The following AKTIP variants were observed in gnomAD, a reference collection of about 807,000 sequenced individuals.
AKTIP encodes AKT interacting protein, also known as AKT-interacting protein.
Under a neutral mutation model 39.1 loss-of-function variants are expected in AKTIP, and 16 were observed. That is an observed-to-expected ratio of 0.41 (90% CI 0.28 to 0.62). AKTIP has a LOEUF of 0.62. Among genes scored for constraint, AKTIP ranks in the 20% least tolerant of loss-of-function variants. The pLI is 0.32. For synonymous variants in AKTIP, 93 were observed against 124.3 expected, an observed-to-expected ratio of 0.75 and a Z score of 1.67; for missense variants, 262 against 356.6, an observed-to-expected ratio of 0.73 and a Z score of 2.14.
At chr16:53,492,785 T>C (rs1961570896) in intron 8 of AKTIP, 32 bp from the exon 9 acceptor site, 4 of 1,594,840 alleles carry the variant, frequency 2.5e-6, no homozygotes, top group Non-Finnish European at 3.4e-6. Flanking sequence ...TAAAAACTAT[T>C]TGTTGGCTCA....
rs567079007 is a variant in AKTIP, at chr16:53,494,693, G to C, written c.415-88C>G. On this transcript the variant is annotated intron_variant, in intron 5 of 9. Transcript: ENST00000394657. Reference sequence around the variant, plus strand: ...GGAATCGTGATAAAAAGAGCTTCAGGACAAGGCAGTCACGTTATTTAAAGC... The same window carrying C: ...GGAATCGTGATAAAAAGAGCTTCAGCACAAGGCAGTCACGTTATTTAAAGC... 5 of 1,270,902 alleles carry C rather than the reference G, an allele frequency of 3.9e-6. 1 individual carries two copies. In the East Asian group the frequency reaches 1.2e-4, roughly 32 times the overall value. 78.7% of individuals were successfully genotyped at this position (1,270,902 alleles called of 1,614,324 possible).
At chr16:53,497,593 C>T (rs1194797260) in intron 3 of AKTIP, among the ~76,000 whole-genome samples, 1 of 152,174 alleles carries the variant, frequency 6.6e-6, no homozygotes, top group African/African-American at 2.4e-5. Context: ...AGGAGGCTGC[C>T]TACAAGGCGA....
rs1253797308 is a variant in AKTIP, at chr16:53,491,386, T to C, written c.*1026A>G. 6.6e-6 allele frequency: 1 copy of C among 152,256 alleles called. No individual in the cohort carries two copies. Among genetic ancestry groups the C allele is most frequent in the Non-Finnish European group, 1.5e-5 (1 of 68,028 alleles). The allele number at this position is 152,256 out of a possible 1,614,324, so 9.4% of individuals were successfully genotyped here. On this transcript the variant is annotated 3_prime_UTR_variant, in exon 10 of 10. Transcript: ENST00000394657. ...AAAATGTTATTTAACAGCTGAATTA[T>C]CTATACATATCTTTATTAATCACTA...
chr16:53,497,989 C>A (rs1961942285), intron 3 of AKTIP, among the ~76,000 whole-genome samples: 1 of 152,258 alleles, frequency 6.6e-6, no homozygotes, highest in South Asian at 2.1e-4. Context: ...ACCTCGTGAT[C>A]CACCTGCCTG....
intron 4 of AKTIP, 27 bp from the exon 5 acceptor site, chr16:53,495,200 GC>G: frequency 6.2e-7 from 1 of 1,612,394 alleles, no homozygotes; most frequent in Non-Finnish European, 8.5e-7. Flanking sequence ...AAGAGTTAAG[GC>G]CTAAATTTGT....
chr16:53,495,724 A>T (rs1961792389), intron 3 of AKTIP, among the ~76,000 whole-genome samples: 1 of 152,234 alleles, frequency 6.6e-6, no homozygotes, highest in African/African-American at 2.4e-5. Context: ...GGTCAATGAG[A>T]GTATTTGTAA....
Position 53,495,334 on chromosome 16 carries a change from A to G in AKTIP, c.249-8T>C. Reference sequence around the variant, plus strand: ...TGCTTCACAACCAAGGTACTACAACAAAAGCAGAATAATTAACTTGTGTGG... The same window carrying G: ...TGCTTCACAACCAAGGTACTACAACGAAAGCAGAATAATTAACTTGTGTGG... On this transcript the variant is annotated splice_polypyrimidine_tract_variant and splice_region_variant and intron_variant, in intron 3 of 9. Coordinates refer to ENST00000394657, the MANE Select transcript of AKTIP (RefSeq NM_022476.4). 6.2e-7 allele frequency: 1 copy of G among 1,614,088 alleles called. No individual in the cohort carries two copies. The highest frequency in any genetic ancestry group is 8.5e-7 in the Non-Finnish European group (1 of 1,179,938).
chr16:53,499,949 C>A (rs890806164), intron 2 of AKTIP, among the ~76,000 whole-genome samples: 5 of 152,210 alleles, frequency 3.3e-5, no homozygotes, highest in Admixed American at 2.6e-4. Context: ...TACAATGTTA[C>A]AAATTTCATC....
intron 3 of AKTIP, among the ~76,000 whole-genome samples, chr16:53,496,915 C>T (rs1961873383): frequency 6.6e-6 from 1 of 152,194 alleles, no homozygotes; most frequent in Non-Finnish European, 1.5e-5. Context: ...AAATGATCCT[C>T]CCACTTCAGC....
At chr16:53,497,214 G>A (rs1156677573) in intron 3 of AKTIP, among the ~76,000 whole-genome samples, 1 of 152,144 alleles carries the variant, frequency 6.6e-6, no homozygotes, top group Non-Finnish European at 1.5e-5. Flanking sequence ...CTGCGTCTGT[G>A]CAGTGCTGGA....
Position 53,492,720 on chromosome 16 carries a change from T to C in AKTIP, c.744A>G (p.Glu248=), listed in dbSNP as rs781351209. 26 of 1,614,144 alleles carry C rather than the reference T, an allele frequency of 1.6e-5. No individual in the cohort carries two copies. The highest frequency in any genetic ancestry group is 2.1e-5 in the Non-Finnish European group (25 of 1,180,000). ...TCTGAGTCAGCATCTTTTCTCTGGC[T>C]TCATCATGTACAGAAGGATTCCATG... ...FSPWNPSVHD[E]AREKMLTQKK... Residue 248 remains glutamate (E), a synonymous_variant, in exon 9 of 10, where the codon GAA becomes GAG. Transcript: ENST00000394657.
chr16:53,498,014 C>T (rs949957488), intron 3 of AKTIP, among the ~76,000 whole-genome samples: 1 of 152,228 alleles, frequency 6.6e-6, no homozygotes, highest in African/African-American at 2.4e-5. Flanking sequence ...TCCCAAAGTG[C>T]TAGGATTATA....
At chr16:53,500,780 T>G (rs1962122174) in intron 1 of AKTIP, among the ~76,000 whole-genome samples, 1 of 152,218 alleles carries the variant, frequency 6.6e-6, no homozygotes, top group South Asian at 2.1e-4. Context: ...GAAAAGGTCT[T>G]CAGGCATCTT....
upstream of AKTIP, among the ~76,000 whole-genome samples, chr16:53,504,152 G>A (rs1445732681): frequency 1.3e-5 from 2 of 148,762 alleles, no homozygotes; most frequent in African/African-American, 2.5e-5. Context: ...GCTTTCCCAT[G>A]GAGGTCTCTC....
chr16:53,501,934 T>C (rs1962193430), intron 1 of AKTIP, among the ~76,000 whole-genome samples: 1 of 152,212 alleles, frequency 6.6e-6, no homozygotes, highest in South Asian at 2.1e-4. Context: ...ATGTTCCCCT[T>C]TGGCTCAAAT....
At position 53,492,401 on chromosome 16, in the gene AKTIP, T is replaced by A; in HGVS notation, c.*11A>T. 1 of 1,610,590 alleles carries A rather than the reference T, an allele frequency of 6.2e-7. No individual in the cohort carries two copies. The highest frequency in any genetic ancestry group is 8.5e-7 in the Non-Finnish European group (1 of 1,178,576). On this transcript the variant is annotated 3_prime_UTR_variant, in exon 10 of 10. Transcript: ENST00000394657. ...GCAGGAAAGTGCATGGTGCACCAGATTCACCATCTCTTAAGTCGCCACTGT... is the reference window on the plus strand; with the variant it reads ...GCAGGAAAGTGCATGGTGCACCAGAATCACCATCTCTTAAGTCGCCACTGT...
rs531086351 is a variant in AKTIP, at chr16:53,498,991, TAAG to T, written c.43-398_43-396del. ...TTACATGCTACAGAAGGTTAGGTGC[TAAG>T]AAGCTCAAAATAATGTGGATGACTG... On this transcript the variant is annotated intron_variant, in intron 2 of 9. Coordinates refer to ENST00000394657, the MANE Select transcript of AKTIP (RefSeq NM_022476.4). Among the ~76,000 whole-genome samples, 417 of 152,360 alleles carry T rather than the reference TAAG, an allele frequency of 2.7e-3. 3 individuals are homozygous for T. Among genetic ancestry groups the T allele is most frequent in the African/African-American group, 9.4e-3 (392 of 41,582 alleles).
chr16:53,499,454 T>G (rs1048013073), intron 2 of AKTIP, among the ~76,000 whole-genome samples: 16 of 151,556 alleles, frequency 1.1e-4, no homozygotes, highest in East Asian at 5.8e-4. Flanking sequence ...TTATAGTTTT[T>G]TTTTTTTTTT....
At chr16:53,492,542 ATATT>A in intron 9 of AKTIP, 23 bp from the exon 10 acceptor site, 1 of 1,612,728 alleles carries the variant, frequency 6.2e-7, no homozygotes, top group Non-Finnish European at 8.5e-7. Flanking sequence ...ATCAAAACAG[ATATT>A]TAAAAAATTA....
Sources: gnomAD v4.1 joint callset for allele counts (sites outside exome capture counted in the v4.1 genomes callset) on GRCh38, gnomAD v4.1.1 for gene constraint, MANE v1.5 for transcripts, NCBI Gene and HGNC (gene_info 2026-07-23, HGNC 2026-07-21) for gene names.